ZNF558: variants seen among roughly 807,000 people sequenced by gnomAD.
ZNF558 encodes zinc finger protein 558.
In ZNF558, 23 loss-of-function variants were observed where a neutral mutation model predicts 37.6. The observed-to-expected ratio is 0.61, with a 90% confidence interval of 0.44 to 0.87. The LOEUF is 0.87. ZNF558 is among the 40% of genes least tolerant of loss of function. The pLI is 0.00. For missense variants in ZNF558, 429 were observed against 483.7 expected (o/e 0.89, Z 1.06); for synonymous variants, 189 against 174.4 (o/e 1.08, Z -0.66).
Position 8,811,638 on chromosome 19 carries a change from G to T in ZNF558, c.852C>A (p.Ser284Arg). 6.2e-7 allele frequency: 1 copy of T among 1,614,114 alleles called. No individual in the cohort carries two copies. Among genetic ancestry groups the T allele is most frequent in the Non-Finnish European group, 8.5e-7 (1 of 1,180,024 alleles). Residue 284 changes from serine to arginine, a missense_variant, in exon 10 of 10, where the codon AGC becomes AGA. Ser to Arg is a moderately radical substitution (Grantham distance 110). Transcript: ENST00000601372. Reference protein sequence around the residue: ...STRSSLTGHNSIHTGEKPYEC... With the variant: ...STRSSLTGHNRIHTGEKPYEC... Reference sequence around the variant, plus strand: ...CATAAGGTTTCTCCCCTGTATGAATGCTATTGTGCCCAGTGAGAGAGGACC... The same window carrying T: ...CATAAGGTTTCTCCCCTGTATGAATTCTATTGTGCCCAGTGAGAGAGGACC...
rs1319794753 is a variant in ZNF558 at position 8,822,934 on chromosome 19, C to G, written c.-65-210G>C. 7.8e-6 allele frequency: 4 copies of G among 509,858 alleles called. No individual in the cohort carries two copies. In the Admixed American group the frequency reaches 1.3e-4, roughly 16 times the overall value. The allele number at this position is 509,858 out of a possible 1,614,324, so 31.6% of individuals were successfully genotyped here. The stretch of plus-strand genomic sequence containing the variant: ...CTGTCCCCAACACAACGACCAGTAC[C>G]TCCCTGACCCACCCGCTTTGAGAAC... On this transcript the variant is annotated intron_variant, in intron 4 of 9. Coordinates refer to ENST00000601372, the MANE Select transcript of ZNF558 (RefSeq NM_144693.3). The surrounding 1 kb of genome is among the most constrained non-coding windows in gnomAD (Gnocchi z 4.4).
intron 7 of ZNF558, among the ~76,000 whole-genome samples, chr19:8,818,682 T>G (rs2145228726): frequency 6.6e-6 from 1 of 152,254 alleles, no homozygotes; most frequent in African/African-American, 2.4e-5. Context: ...TATCAAAACT[T>G]ACTACAATGT....
In ZNF558 at chr19:8,822,016, G is replaced by T; in HGVS notation, c.107C>A (p.Thr36Lys). The stretch of plus-strand genomic sequence containing the variant: ...CATCTGACTCACCCGTAGCCAGCTT[G>T]TCAGGAGCTCATTAACCAGCTCTCC... ...QGGELVNELLTSWLRGLVTFE... is the reference protein window; with the variant it reads ...QGGELVNELLKSWLRGLVTFE... Residue 36 changes from threonine (T) to lysine (K), a missense_variant, in exon 6 of 10, where the codon ACA becomes AAA. Physicochemically the swap from Thr to Lys is moderately conservative, Grantham distance 78. Transcript: ENST00000601372. This position sits in a 1 kb window ranked among gnomAD's most constrained non-coding sequence, Gnocchi z 4.4. 1 of 1,614,012 alleles carries T rather than the reference G, an allele frequency of 6.2e-7. No homozygotes were observed. The highest frequency in any genetic ancestry group is 8.5e-7 in the Non-Finnish European group (1 of 1,179,940).
At chr19:8,832,339 G>A (rs569934613), upstream of ZNF558, 2 of 152,354 alleles carry the variant, frequency 1.3e-5, no homozygotes, top group Non-Finnish European at 2.9e-5. Context: ...GGGGAGAGGT[G>A]CGCTGCACGT....
chr19:8,837,206 A>G (rs539569403), upstream of ZNF558, among the ~76,000 whole-genome samples: 5 of 152,338 alleles, frequency 3.3e-5, no homozygotes, highest in East Asian at 9.6e-4. Context: ...ACGAATGTGC[A>G]TATTTATCAA....
intron 6 of ZNF558, chr19:8,821,788 T>G (rs1005497911): frequency 1.4e-6 from 2 of 1,385,054 alleles, no homozygotes; most frequent in Admixed American, 6.1e-5. Flanking sequence ...GAGCACATGA[T>G]GTACTCAGGG....
chr19:8,832,795 C>T (rs1036672407), upstream of ZNF558, among the ~76,000 whole-genome samples: 1 of 149,300 alleles, frequency 6.7e-6, no homozygotes, highest in Admixed American at 6.6e-5. Flanking sequence ...CCTCCATTTC[C>T]GGGGCGGGGC....
intron 2 of ZNF558, among the ~76,000 whole-genome samples, chr19:8,825,346 G>T (rs990018298): frequency 6.6e-6 from 1 of 152,024 alleles, no homozygotes. Flanking sequence ...AAGTGATTGC[G>T]GTTTTTGCCA....
intron 7 of ZNF558, among the ~76,000 whole-genome samples, chr19:8,815,042 T>C (rs1317768154): frequency 1.3e-4 from 9 of 70,238 alleles, no homozygotes; most frequent in African/African-American, 7.3e-4. Flanking sequence ...TGCTATATTA[T>C]AATATTCCAA....
chr19:8,819,460 C>G (rs955604893), intron 7 of ZNF558, among the ~76,000 whole-genome samples: 14 of 152,114 alleles, frequency 9.2e-5, no homozygotes, highest in Admixed American at 3.3e-4. Flanking sequence ...GGATTACAGG[C>G]GTGAGCCACT....
chr19:8,828,621 AT>A (rs2044283009), intron 2 of ZNF558, among the ~76,000 whole-genome samples: 1 of 152,086 alleles, frequency 6.6e-6, no homozygotes, highest in African/African-American at 2.4e-5. Context: ...TTGCTTTATG[AT>A]TTTGCCTGTA....
At position 8,811,667 on chromosome 19, in the gene ZNF558, T is replaced by C. The variant is rs2043795159; in HGVS notation, c.823A>G (p.Thr275Ala). The C allele has an allele frequency of 6.2e-7, 1 of 1,614,228 alleles. No individual in the cohort carries two copies. Among genetic ancestry groups the C allele is most frequent in the East Asian group, 2.2e-5 (1 of 44,884 alleles). Reference sequence around the variant, plus strand: ...TTGTGCCCAGTGAGAGAGGACCTTGTGCTGAAAGCTTTTCCACACTGATTA... The same window carrying C: ...TTGTGCCCAGTGAGAGAGGACCTTGCGCTGAAAGCTTTTCCACACTGATTA... Reference protein sequence around the residue: ...ECNQCGKAFSTRSSLTGHNSI... With the variant: ...ECNQCGKAFSARSSLTGHNSI... Residue 275 changes from threonine to alanine, a missense_variant, in exon 10 of 10, where the codon ACA (threonine) becomes GCA (alanine). Coordinates refer to ENST00000601372, the MANE Select transcript of ZNF558 (RefSeq NM_144693.3).
At chr19:8,819,249 C>T (rs540996032) in intron 7 of ZNF558, among the ~76,000 whole-genome samples, 44 of 152,300 alleles carry the variant, frequency 2.9e-4, no homozygotes, top group Non-Finnish European at 5.1e-4. Flanking sequence ...TAGTGGATCT[C>T]GGCTCACTAC....
rs1555768016 is a variant in ZNF558 at position 8,811,569 on chromosome 19, CAGAT to C, written c.917_920del (p.Tyr306Ter). The C allele has an allele frequency of 1.9e-6, 3 of 1,613,728 alleles. No individual in the cohort carries two copies. The highest frequency in any genetic ancestry group is 1.3e-5 in the African/African-American group (1 of 74,804). On this transcript the variant is annotated frameshift_variant, in exon 10 of 10. Transcript: ENST00000601372. LOFTEE classifies it high-confidence loss of function. ...CAGTATGAGTTCTTACGTGCTGTGTCAGATAGGAGCTCTTCCTGAAGGTTTTCCC... is the reference window on the plus strand; with the variant it reads ...CAGTATGAGTTCTTACGTGCTGTGTCAGGAGCTCTTCCTGAAGGTTTTCCC...
chr19:8,821,783 C>T (rs933791972), intron 6 of ZNF558: 12 of 1,380,476 alleles, frequency 8.7e-6, no homozygotes, highest in Middle Eastern at 2.7e-4. Flanking sequence ...CTCAGGAGCA[C>T]ATGATGTACT....
At chr19:8,828,618 AT>A (rs1471132316) in intron 2 of ZNF558, among the ~76,000 whole-genome samples, 23 of 152,150 alleles carry the variant, frequency 1.5e-4, no homozygotes, top group African/African-American at 5.6e-4. Context: ...GTATTGCTTT[AT>A]GATTTTGCCT....
At chr19:8,831,690 T>C (rs1169285192) in intron 1 of ZNF558, among the ~76,000 whole-genome samples, 1 of 152,218 alleles carries the variant, frequency 6.6e-6, no homozygotes, top group Non-Finnish European at 1.5e-5. Context: ...TTTAAAAATA[T>C]CTTGTCACTT....
At chr19:8,832,034 G>A (rs936544714) in intron 1 of ZNF558, 175 bp downstream of exon 1, 5 of 152,400 alleles carry the variant, frequency 3.3e-5, no homozygotes, top group Admixed American at 6.5e-5. Flanking sequence ...AGGCAACAGC[G>A]GCGCGGGGCC....
At chr19:8,823,669 CCT>C (rs781298743) in intron 4 of ZNF558, 2 of 148,460 alleles carry the variant, frequency 1.3e-5, no homozygotes, top group African/African-American at 5.0e-5. Flanking sequence ...TCAGCCACCC[CCT>C]CTCTTGATTT....
Sources: gnomAD v4.1 joint callset for allele counts (sites outside exome capture counted in the v4.1 genomes callset) on GRCh38, gnomAD v4.1.1 for gene constraint, Gnocchi (gnomAD v3.1) non-coding constraint, MANE v1.5 for transcripts, NCBI Gene and HGNC (gene_info 2026-07-23, HGNC 2026-07-21) for gene names.